The following XRRA1 variants were observed in gnomAD, a reference collection of about 807,000 sequenced individuals.
The protein encoded by XRRA1 is X-ray radiation resistance-associated protein 1.
A neutral mutation model predicts 80.2 loss-of-function variants in XRRA1; 69 were observed. The observed-to-expected ratio is 0.86, with a 90% confidence interval of 0.71 to 1.05. XRRA1 has a LOEUF of 1.05. Among genes scored for constraint, XRRA1 ranks in the 50% least tolerant of loss-of-function variants. The pLI, the probability that XRRA1 is intolerant of heterozygous loss-of-function variation, is 0.00. For missense variants in XRRA1, 967 were observed against 976.4 expected (o/e 0.99, Z 0.13); for synonymous variants, 348 against 389.9 (o/e 0.89, Z 1.27).
intron 5 of XRRA1, among the ~76,000 whole-genome samples, chr11:74,930,887 C>T (rs893694020): frequency 3.3e-5 from 5 of 152,146 alleles, no homozygotes; most frequent in Non-Finnish European, 5.9e-5. Context: ...TCACTGCAGC[C>T]TCAACTTCCC....
At chr11:74,934,388 T>A (rs1311660621) in intron 4 of XRRA1, among the ~76,000 whole-genome samples, 1 of 152,232 alleles carries the variant, frequency 6.6e-6, no homozygotes, top group Non-Finnish European at 1.5e-5. Context: ...CCCACCATGT[T>A]TAGGCACTGA....
At chr11:74,845,677 G>A (rs1163351928) in intron 15 of XRRA1, among the ~76,000 whole-genome samples, 3 of 152,180 alleles carry the variant, frequency 2.0e-5, no homozygotes, top group African/African-American at 7.2e-5. Flanking sequence ...GTGCATTTTC[G>A]GGGAACTAAA....
intron 10 of XRRA1, among the ~76,000 whole-genome samples, chr11:74,892,676 C>T (rs1219075677): frequency 6.6e-6 from 1 of 151,690 alleles, no homozygotes; most frequent in Non-Finnish European, 1.5e-5. Flanking sequence ...GGCTAATATC[C>T]AGAATCTACA....
chr11:74,948,794 G>A (rs998054011), intron 1 of XRRA1, 134 bp downstream of exon 1: 1 of 155,960 alleles, frequency 6.4e-6, no homozygotes, highest in African/African-American at 2.4e-5. Context: ...AATGACAGCT[G>A]CTTGAGAGAA....
In XRRA1 at chr11:74,877,453, CT is replaced by C. The variant is rs551018786; in HGVS notation, c.1004-14433del. Among the ~76,000 whole-genome samples, 728 of 151,406 alleles carry C rather than the reference CT, an allele frequency of 4.8e-3. 7 individuals are homozygous for C. The highest frequency in any genetic ancestry group is 0.016 in the African/African-American group (650 of 41,290). On this transcript the variant is annotated intron_variant, in intron 10 of 18. Coordinates refer to ENST00000684022, the MANE Select transcript of XRRA1 (RefSeq NM_001378157.1). Reference sequence around the variant, plus strand: ...TAGTACTCCCACTAATAATGGGATTCTTTTTTTTTATTTTTTATTTTATTAT... The same window carrying C: ...TAGTACTCCCACTAATAATGGGATTCTTTTTTTTATTTTTTATTTTATTAT...
At chr11:74,925,028 A>T (rs113882534) in intron 7 of XRRA1, among the ~76,000 whole-genome samples, 1,648 of 152,298 alleles carry the variant, frequency 0.011, 33 homozygotes, top group African/African-American at 0.036. Context: ...TGCTGACCTC[A>T]TTCTAGCTGC....
At chr11:74,851,894 G>T in intron 13 of XRRA1, 95 bp downstream of exon 13, 1 of 1,054,984 alleles carries the variant, frequency 9.5e-7, no homozygotes, top group South Asian at 1.3e-5. Context: ...ACACAGAGTA[G>T]ATCCCAGGGC....
rs2036575838 is a variant in XRRA1 at position 74,841,719 on chromosome 11, C to T, written c.*1481G>A. 6.6e-6 allele frequency: 1 copy of T among 152,206 alleles called. No individual in the cohort carries two copies. The allele number at this position is 152,206 out of a possible 1,614,324, so 9.4% of individuals were successfully genotyped here. On this transcript the variant is annotated 3_prime_UTR_variant, in exon 19 of 19. Transcript: ENST00000684022. ...AAGCCAAGGCAAAGCAAGGTTTGTT[C>T]ATCTTCCTTTCCTGTCATTTAAGGT... is the stretch of plus-strand genomic sequence containing the variant.
chr11:74,852,964 C>T (rs2040247883), intron 12 of XRRA1, among the ~76,000 whole-genome samples: 2 of 152,190 alleles, frequency 1.3e-5, no homozygotes, highest in Admixed American at 1.3e-4. Flanking sequence ...AGTTTAGCTT[C>T]CTCCGCAGCC....
At chr11:74,844,705 G>A (rs1433898143) in intron 16 of XRRA1, among the ~76,000 whole-genome samples, 1 of 152,242 alleles carries the variant, frequency 6.6e-6, no homozygotes, top group East Asian at 1.9e-4. Context: ...GATTTTGGAC[G>A]TTCAGTTTGG....
intron 7 of XRRA1, among the ~76,000 whole-genome samples, chr11:74,926,301 T>G (rs776561357): frequency 2.6e-5 from 4 of 152,224 alleles, no homozygotes; most frequent in Non-Finnish European, 1.5e-5. Flanking sequence ...CCATCAACTC[T>G]GAAAAACTCA....
At position 74,879,023 on chromosome 11, in the gene XRRA1, G is replaced by A. The variant is rs1302205124; in HGVS notation, c.1004-16002C>T. 6.8e-5 allele frequency among the ~76,000 whole-genome samples: 10 copies of A among 147,246 alleles called. No homozygotes were observed. The East Asian group carries it at 1.6e-3, about 24-fold the overall frequency. On this transcript the variant is annotated intron_variant, in intron 10 of 18. Transcript: ENST00000684022. ...AAGAAAGTCATTGGTAGCTTGATGGGGATGGCATTGAATCTGTAAATTACC... is the reference window on the plus strand; with the variant it reads ...AAGAAAGTCATTGGTAGCTTGATGGAGATGGCATTGAATCTGTAAATTACC...
At chr11:74,927,965 G>A (rs1237197037) in intron 6 of XRRA1, among the ~76,000 whole-genome samples, 1 of 152,040 alleles carries the variant, frequency 6.6e-6, no homozygotes, top group Non-Finnish European at 1.5e-5. Context: ...AACAAAAATA[G>A]AGTCATACTG....
At chr11:74,908,929 A>G (rs1231581468) in intron 8 of XRRA1, among the ~76,000 whole-genome samples, 1 of 152,204 alleles carries the variant, frequency 6.6e-6, no homozygotes, top group African/African-American at 2.4e-5. Context: ...GCCCACCTGT[A>G]AAGAAAAATG....
chr11:74,865,003 C>G (rs149469751), intron 10 of XRRA1, among the ~76,000 whole-genome samples: 150 of 146,274 alleles, frequency 1.0e-3, no homozygotes, highest in African/African-American at 3.7e-3. Flanking sequence ...AGCCTTTACC[C>G]TACAGCAAAT....
intron 10 of XRRA1, among the ~76,000 whole-genome samples, chr11:74,877,870 C>T (rs1206076655): frequency 6.6e-6 from 1 of 152,038 alleles, no homozygotes; most frequent in Admixed American, 6.5e-5. Flanking sequence ...CATTGTTGGA[C>T]ATTTGGGTTG....
chr11:74,927,437 C>A lies in XRRA1; in HGVS notation c.476G>T (p.Gly159Val), dbSNP rs1942527302. The part of the protein sequence containing the change: ...ALKELDLAFN[G>V]IKTIYVKYGD... ...ATATTTCACGTAGATAGTTTTGATG[C>A]CATTAAATGCGAGATCCAGTTCCTT... is the stretch of plus-strand genomic sequence containing the variant. The change falls in exon 7 of 19, where the codon GGC (glycine) becomes GTC (valine). Residue 159 changes from glycine to valine, a missense_variant. By Grantham distance (109) the Gly-to-Val change is moderately radical (BLOSUM62 -3). Transcript: ENST00000684022. 3 of 1,613,530 alleles carry A rather than the reference C, an allele frequency of 1.9e-6. No homozygotes were observed. The highest frequency in any genetic ancestry group is 2.5e-6 in the Non-Finnish European group (3 of 1,179,568).
chr11:74,911,111 G>A (rs1369106346), intron 8 of XRRA1, among the ~76,000 whole-genome samples: 1 of 152,148 alleles, frequency 6.6e-6, no homozygotes, highest in Non-Finnish European at 1.5e-5. Context: ...AAAATAGTAG[G>A]TTAAGGGTGG....
At chr11:74,847,988 G>T in intron 15 of XRRA1, 127 bp downstream of exon 15, 1 of 838,210 alleles carries the variant, frequency 1.2e-6, no homozygotes, top group Non-Finnish European at 1.8e-6. Context: ...CAAGGGTGCT[G>T]ACTTCTTGTT....
Sources: gnomAD v4.1 joint callset for allele counts (sites outside exome capture counted in the v4.1 genomes callset) on GRCh38, gnomAD v4.1.1 for gene constraint, MANE v1.5 for transcripts, NCBI Gene and HGNC (gene_info 2026-07-23, HGNC 2026-07-21) for gene names.